EPHA6: variants seen among roughly 807,000 people sequenced by gnomAD.
EPHA6 encodes the protein EPH receptor A6.
A neutral mutation model predicts 112.0 loss-of-function variants in EPHA6; 50 were observed. That is an observed-to-expected ratio of 0.45 (90% CI 0.36 to 0.56). EPHA6 has a LOEUF of 0.56. EPHA6 is among the 20% of genes least tolerant of loss of function. The pLI is 0.00. For missense variants in EPHA6, 1,280 were observed against 1,417.4 expected (o/e 0.90, Z 1.56); for synonymous variants, 529 against 490.7 (o/e 1.08, Z -1.03).
intron 14 of EPHA6, among the ~76,000 whole-genome samples, chr3:97,705,687 A>G (rs528519921): frequency 4.6e-5 from 7 of 152,342 alleles, no homozygotes; most frequent in African/African-American, 1.7e-4. Flanking sequence ...AGAAGCGTAT[A>G]GATTAAAATA....
intron 2 of EPHA6, among the ~76,000 whole-genome samples, chr3:96,951,715 G>A (rs908044312): frequency 2.0e-5 from 3 of 152,076 alleles, no homozygotes; most frequent in African/African-American, 4.8e-5. Flanking sequence ...TCAGAGTGCC[G>A]AGGCTGTGGA....
At chr3:97,679,295 G>A (rs1391702204) in intron 14 of EPHA6, among the ~76,000 whole-genome samples, 1 of 152,092 alleles carries the variant, frequency 6.6e-6, no homozygotes, top group African/African-American at 2.4e-5. Flanking sequence ...TGGGAACTTG[G>A]AACCCAGAGG....
At chr3:97,388,774 A>G (rs1272841147) in intron 5 of EPHA6, among the ~76,000 whole-genome samples, 4 of 152,142 alleles carry the variant, frequency 2.6e-5, no homozygotes, top group African/African-American at 9.7e-5. Context: ...TATATTCTGG[A>G]GCCTTTCAAA....
intron 3 of EPHA6, among the ~76,000 whole-genome samples, chr3:97,210,376 A>G (rs1455594348): frequency 6.6e-6 from 1 of 152,202 alleles, no homozygotes; most frequent in African/African-American, 2.4e-5. Flanking sequence ...TTCAGATCTC[A>G]TGATAACTCA....
At chr3:96,940,825 C>T (rs1403667021) in intron 2 of EPHA6, among the ~76,000 whole-genome samples, 2 of 152,150 alleles carry the variant, frequency 1.3e-5, no homozygotes, top group East Asian at 3.9e-4. Flanking sequence ...ATTTGCTTGT[C>T]TGTAAAGGAT....
Position 97,198,287 on chromosome 3 carries a change from A to T in EPHA6, c.1115-27977A>T, listed in dbSNP as rs535290946. Among the ~76,000 whole-genome samples, 3 of 152,220 alleles carry T rather than the reference A, an allele frequency of 2.0e-5. No individual in the cohort carries two copies. In the East Asian group the frequency reaches 5.8e-4, roughly 30 times the overall value. The stretch of plus-strand genomic sequence containing the variant: ...AAAGGCACTTTTAAGGCATTGTGGT[A>T]TTTGAAAACATCACTGAAGTGGTTA... On this transcript the variant is annotated intron_variant, in intron 3 of 17. Coordinates refer to ENST00000389672, the MANE Select transcript of EPHA6 (RefSeq NM_001080448.3).
At chr3:97,680,869 G>C (rs144453303) in intron 14 of EPHA6, among the ~76,000 whole-genome samples, 43 of 152,270 alleles carry the variant, frequency 2.8e-4, no homozygotes, top group African/African-American at 1.0e-3. Flanking sequence ...AAGTGAACAA[G>C]TAAAAAGTCT....
At chr3:97,024,311 G>A (rs2044562111) in intron 3 of EPHA6, among the ~76,000 whole-genome samples, 1 of 152,114 alleles carries the variant, frequency 6.6e-6, no homozygotes, top group South Asian at 2.1e-4. Flanking sequence ...ATGGGAAGAG[G>A]TGGTAAGATA....
At chr3:97,434,920 T>C (rs1255400606) in intron 6 of EPHA6, among the ~76,000 whole-genome samples, 1 of 138,818 alleles carries the variant, frequency 7.2e-6, no homozygotes, top group Non-Finnish European at 1.6e-5. Flanking sequence ...ATTCTTGCCA[T>C]CTCCATCTTT....
At chr3:97,708,511 A>T (rs1205316166) in intron 14 of EPHA6, among the ~76,000 whole-genome samples, 1 of 152,254 alleles carries the variant, frequency 6.6e-6, no homozygotes, top group African/African-American at 2.4e-5. Context: ...AGTTTGGAAA[A>T]TTTGAAGCCT....
chr3:97,051,899 C>T (rs1023458778), intron 3 of EPHA6, among the ~76,000 whole-genome samples: 2 of 152,038 alleles, frequency 1.3e-5, no homozygotes, highest in African/African-American at 4.8e-5. Context: ...TGATATCATA[C>T]ATCTAATACT....
intron 5 of EPHA6, among the ~76,000 whole-genome samples, chr3:97,371,761 TC>T (rs997024193): frequency 6.6e-6 from 1 of 152,168 alleles, no homozygotes; most frequent in African/African-American, 2.4e-5. Context: ...GAATTCTTTT[TC>T]TCAGTAAGGA....
At chr3:97,540,696 G>A (rs1217301370) in intron 11 of EPHA6, among the ~76,000 whole-genome samples, 1 of 152,134 alleles carries the variant, frequency 6.6e-6, no homozygotes, top group East Asian at 1.9e-4. Context: ...TTCTCAGTGT[G>A]AAGGTATCAT....
chr3:97,459,904 G>A (rs1455175719), intron 7 of EPHA6, among the ~76,000 whole-genome samples: 2 of 152,228 alleles, frequency 1.3e-5, no homozygotes, highest in Non-Finnish European at 2.9e-5. Context: ...TATTTGGTCT[G>A]TGAACTTTCT....
intron 1 of EPHA6, among the ~76,000 whole-genome samples, chr3:96,855,244 A>G (rs971693785): frequency 1.3e-5 from 2 of 152,178 alleles, no homozygotes; most frequent in Admixed American, 1.3e-4. Flanking sequence ...AAGGGCGATT[A>G]GAAACCTTAG....
intron 5 of EPHA6, among the ~76,000 whole-genome samples, chr3:97,291,363 C>G (rs2080677700): frequency 6.6e-6 from 1 of 152,120 alleles, no homozygotes; most frequent in Admixed American, 6.5e-5. Flanking sequence ...GAAAATGGTA[C>G]TGTAAATGTC....
At chr3:96,837,366 T>C (rs1250569101) in intron 1 of EPHA6, among the ~76,000 whole-genome samples, 1 of 152,124 alleles carries the variant, frequency 6.6e-6, no homozygotes, top group Non-Finnish European at 1.5e-5. Context: ...GCAAGGCTTC[T>C]CACAGGACAT....
chr3:97,112,062 G>C (rs1382335852), intron 3 of EPHA6, among the ~76,000 whole-genome samples: 2 of 152,002 alleles, frequency 1.3e-5, no homozygotes, highest in Non-Finnish European at 2.9e-5. Context: ...AAATTGTGTT[G>C]CTGCCTACAA....
chr3:97,361,706 CATTA>C (rs1216114654), intron 5 of EPHA6, among the ~76,000 whole-genome samples: 11 of 152,176 alleles, frequency 7.2e-5, no homozygotes, highest in African/African-American at 1.7e-4. Flanking sequence ...TCCATCAACC[CATTA>C]ATTAATTAAT....
Sources: allele counts gnomAD v4.1 joint callset (sites outside exome capture counted in the v4.1 genomes callset), GRCh38; gene constraint gnomAD v4.1.1; transcripts MANE v1.5; gene names NCBI Gene and HGNC (gene_info 2026-07-23, HGNC 2026-07-21).